FGF17: variants seen among roughly 807,000 people sequenced by gnomAD.
The protein encoded by FGF17 is fibroblast growth factor 17.
Under a neutral mutation model 23.5 loss-of-function variants are expected in FGF17, and 5 were observed. That is an observed-to-expected ratio of 0.21 (90% CI 0.11 to 0.45). The LOEUF (loss-of-function observed/expected upper bound fraction) is 0.45. Ranked by LOEUF, FGF17 falls within the 20% of genes least tolerant of loss-of-function variation. The pLI, the probability that FGF17 is intolerant of heterozygous loss-of-function variation, is 0.99. For missense variants in FGF17, 221 were observed against 306.9 expected (o/e 0.72, Z 2.09); for synonymous variants, 136 against 123.0 (o/e 1.11, Z -0.70).
At chr8:22,041,752 C>A (rs1800742964), upstream of FGF17, among the ~76,000 whole-genome samples, 1 of 152,238 alleles carries the variant, frequency 6.6e-6, no homozygotes, top group Non-Finnish European at 1.5e-5. Context: ...ATTCCATTCA[C>A]TAGCTGGGCC....
At chr8:22,044,545 C>A in intron 2 of FGF17, 1 of 289,316 alleles carries the variant, frequency 3.5e-6, no homozygotes, top group South Asian at 1.3e-4. Context: ...CCAGAGGAGG[C>A]CGTCGGCCAA....
At position 22,045,600 on chromosome 8, in the gene FGF17, G is replaced by A. The variant is rs369806110; in HGVS notation, c.73-514G>A. Reference sequence around the variant, plus strand: ...ACATGCTCTCTGGTGACCCTAACTCGCAGCACCATCTGCTCTGTGCCCGTG... The same window carrying A: ...ACATGCTCTCTGGTGACCCTAACTCACAGCACCATCTGCTCTGTGCCCGTG... On this transcript the variant is annotated intron_variant, in intron 2 of 4. Coordinates refer to ENST00000359441, the MANE Select transcript of FGF17 (RefSeq NM_003867.4). 47 of 1,012,950 alleles carry A rather than the reference G, an allele frequency of 4.6e-5. 1 individual carries two copies. The East Asian group carries it at 1.7e-3, about 36-fold the overall frequency. The allele number at this position is 1,012,950 out of a possible 1,614,324, so 62.7% of individuals were successfully genotyped here.
chr8:22,044,299 C>T (rs973237845), intron 2 of FGF17, among the ~76,000 whole-genome samples: 2 of 152,064 alleles, frequency 1.3e-5, no homozygotes, highest in Admixed American at 1.3e-4. Context: ...GCCAGCAGGC[C>T]GGACCACAGC....
upstream of FGF17, chr8:22,042,707 A>G: frequency 1.6e-6 from 1 of 607,090 alleles, no homozygotes; most frequent in Non-Finnish European, 2.9e-6. Context: ...CTGGCCAGGA[A>G]GGTGGACACC....
chr8:22,045,876 T>C, intron 2 of FGF17: 1 of 1,421,528 alleles, frequency 7.0e-7, no homozygotes, highest in East Asian at 2.7e-5. Context: ...GCTCTGTCAA[T>C]AAGTGTCCCC....
intron 2 of FGF17, among the ~76,000 whole-genome samples, chr8:22,043,679 G>A (rs529103982): frequency 6.6e-6 from 1 of 152,232 alleles, no homozygotes; most frequent in South Asian, 2.1e-4. Flanking sequence ...AGGGCACAGA[G>A]GTCAAGCCCA....
intron 3 of FGF17, 61 bp from the exon 4 acceptor site, chr8:22,046,466 G>A (rs1475299730): frequency 6.7e-7 from 1 of 1,483,492 alleles, no homozygotes; most frequent in East Asian, 2.3e-5. Flanking sequence ...GTGGTCCCCT[G>A]CTGTAGCCAT....
At chr8:22,043,726 C>T (rs1177790761) in intron 2 of FGF17, among the ~76,000 whole-genome samples, 1 of 151,846 alleles carries the variant, frequency 6.6e-6, no homozygotes, top group East Asian at 1.9e-4. Flanking sequence ...GGGTTCGCTT[C>T]TCCACACTCC....
chr8:22,042,964 G>C lies in FGF17; in HGVS notation c.35+1G>C. The stretch of plus-strand genomic sequence containing the variant: ...CCCGCCTGCTGCCCAACCTCACTCT[G>C]TAAGTGTGCTACCTCTCCCACTGGA... On this transcript the variant is annotated splice_donor_variant, in intron 1 of 4. Coordinates refer to ENST00000359441, the MANE Select transcript of FGF17 (RefSeq NM_003867.4). LOFTEE classifies it high-confidence loss of function. 6.2e-7 allele frequency: 1 copy of C among 1,613,158 alleles called. No homozygotes were observed. The highest frequency in any genetic ancestry group is 8.5e-7 in the Non-Finnish European group (1 of 1,179,658).
Position 22,047,967 on chromosome 8 carries a change from G to T in FGF17, c.369G>T (p.Lys123Asn). 6.2e-7 allele frequency: 1 copy of T among 1,601,820 alleles called. No individual in the cohort carries two copies. The highest frequency in any genetic ancestry group is 1.1e-5 in the South Asian group (1 of 90,812). ...RGKLIGKPSG[K>N]SKDCVFTEIV... Reference sequence around the variant, plus strand: ...TGCTTCTCCCGCAGCCCAGCGGGAAGAGCAAAGACTGCGTGTTCACGGAGA... The same window carrying T: ...TGCTTCTCCCGCAGCCCAGCGGGAATAGCAAAGACTGCGTGTTCACGGAGA... Residue 123 changes from lysine (K) to asparagine (N), a missense_variant, in exon 5 of 5, where the codon AAG becomes AAT. Around this residue, in one of 3 missense-constraint regions of FGF17, gnomAD observed 128 missense variants for 150.4 expected, o/e 0.85. Coordinates refer to ENST00000359441, the MANE Select transcript of FGF17 (RefSeq NM_003867.4).
chr8:22,047,913 G>A, intron 4 of FGF17, 43 bp from the exon 5 acceptor site: 1 of 1,574,174 alleles, frequency 6.4e-7, no homozygotes, highest in Non-Finnish European at 8.7e-7. Flanking sequence ...CCCAGACCAG[G>A]GTAGGTGGAC....
intron 4 of FGF17, among the ~76,000 whole-genome samples, chr8:22,047,474 T>C (rs3176301): frequency 0.03 from 4,637 of 152,344 alleles, 90 homozygotes; most frequent in Non-Finnish European, 0.049. Context: ...TTTGGTTTGC[T>C]TATCTTTGTC....
chr8:22,048,304 T>G lies in FGF17; in HGVS notation c.*55T>G, dbSNP rs1390498874. On this transcript the variant is annotated 3_prime_UTR_variant, in exon 5 of 5. Transcript: ENST00000359441. The surrounding 1 kb of genome is among the most constrained non-coding windows in gnomAD (Gnocchi z 6.9). The stretch of plus-strand genomic sequence containing the variant: ...GCCGCCTCCCCACCCCTTTCCCTTC[T>G]TAATCCAAGGACTGGGCTGGGGTGG... 1 of 1,421,562 alleles carries G rather than the reference T, an allele frequency of 7.0e-7. No individual in the cohort carries two copies. Among genetic ancestry groups the G allele is most frequent in the African/African-American group, 1.4e-5 (1 of 70,228 alleles). The allele number at this position is 1,421,562 out of a possible 1,614,324, so 88.1% of individuals were successfully genotyped here.
rs1800768002 is a variant in FGF17, at chr8:22,043,052, G to C, written c.35+89G>C. On this transcript the variant is annotated intron_variant, in intron 1 of 4. Transcript: ENST00000359441. The stretch of plus-strand genomic sequence containing the variant: ...CTTCCCGGGACTCCCACGCGTGCGT[G>C]CACGGGGCTGGCAGGGCGGGGGCGG... 1.9e-6 allele frequency: 3 copies of C among 1,600,768 alleles called. No homozygotes were observed. The South Asian group carries it at 3.3e-5, about 18-fold the overall frequency.
chr8:22,040,747 T>C (rs1005643498), upstream of FGF17, among the ~76,000 whole-genome samples: 1 of 152,224 alleles, frequency 6.6e-6, no homozygotes, highest in Non-Finnish European at 1.5e-5. Flanking sequence ...GCCCCCCAGC[T>C]GACACCTCCA....
chr8:22,045,218 C>T (rs1481838026), intron 2 of FGF17: 3 of 985,462 alleles, frequency 3.0e-6, no homozygotes, highest in Admixed American at 6.1e-5. Context: ...TCTCCCCCAA[C>T]CCAAAGGGGA....
intron 2 of FGF17, chr8:22,044,577 TG>T: frequency 1.6e-6 from 1 of 613,396 alleles, no homozygotes; most frequent in Non-Finnish European, 2.0e-6. Flanking sequence ...GGCCTGAACC[TG>T]GGCCAGGAGG....
At chr8:22,042,655 C>T, upstream of FGF17, 1 of 597,270 alleles carries the variant, frequency 1.7e-6, no homozygotes, top group South Asian at 2.0e-5. Context: ...GCCCAGAGGG[C>T]ACAGCGCGCA....
chr8:22,045,658 G>A, intron 2 of FGF17: 1 of 1,067,258 alleles, frequency 9.4e-7, no homozygotes, highest in Non-Finnish European at 1.1e-6. Flanking sequence ...GGCCAGTGGG[G>A]AGGATGAGGA....
Sources: allele counts gnomAD v4.1 joint callset (sites outside exome capture counted in the v4.1 genomes callset), GRCh38; gene constraint gnomAD v4.1.1; regional missense constraint gnomAD v4.1.1; non-coding constraint Gnocchi (gnomAD v3.1); transcripts MANE v1.5; gene names NCBI Gene and HGNC (gene_info 2026-07-23, HGNC 2026-07-21).